Variants in ASTN1 observed in about 807,000 individuals in gnomAD.
The protein encoded by ASTN1 is astrotactin-1.
A neutral mutation model predicts 140.7 loss-of-function variants in ASTN1; 41 were observed. The observed-to-expected ratio is 0.29, with a 90% CI of 0.23 to 0.38. ASTN1 has a LOEUF of 0.38. ASTN1 is among the 10% of genes least tolerant of loss of function. The pLI, the probability that ASTN1 is intolerant of heterozygous loss-of-function variation, is 1.00. For synonymous variants in ASTN1, 640 were observed against 652.2 expected, an observed-to-expected ratio of 0.98 and a Z score of 0.29; for missense variants, 1,479 against 1,678.8, an observed-to-expected ratio of 0.88 and a Z score of 2.08.
intron 8 of ASTN1, among the ~76,000 whole-genome samples, chr1:176,989,832 C>T (rs1484577580): frequency 6.6e-6 from 1 of 152,014 alleles, no homozygotes; most frequent in Non-Finnish European, 1.5e-5. Context: ...AAACTCAATC[C>T]AGCACAGCAA....
At chr1:176,972,303 G>C (rs1203548592) in intron 8 of ASTN1, among the ~76,000 whole-genome samples, 1 of 152,116 alleles carries the variant, frequency 6.6e-6, no homozygotes, top group Non-Finnish European at 1.5e-5. Flanking sequence ...GCAGTATTCA[G>C]AGCCCACATG....
chr1:176,938,278 G>A (rs957212575), intron 14 of ASTN1, among the ~76,000 whole-genome samples: 3 of 152,168 alleles, frequency 2.0e-5, no homozygotes, highest in African/African-American at 7.2e-5. Flanking sequence ...TATTTTATTA[G>A]AGCATAAGAT....
At chr1:176,860,157 T>A (rs1209374237), downstream of ASTN1, among the ~76,000 whole-genome samples, 1 of 152,192 alleles carries the variant, frequency 6.6e-6, no homozygotes, top group Non-Finnish European at 1.5e-5. Flanking sequence ...TAAGGCCTTT[T>A]ACGACTTAGG....
chr1:176,946,168 C>A, intron 12 of ASTN1, 48 bp from the exon 13 acceptor site: 1 of 1,453,210 alleles, frequency 6.9e-7, no homozygotes, highest in Non-Finnish European at 9.2e-7. Context: ...ATCAATGACC[C>A]ATGCAGGCAA....
intron 1 of ASTN1, among the ~76,000 whole-genome samples, chr1:177,121,380 G>T (rs1681377258): frequency 6.6e-6 from 1 of 152,032 alleles, no homozygotes; most frequent in African/African-American, 2.4e-5. Flanking sequence ...GCAGGAAAAG[G>T]GCATTTCATG....
rs1164873105 is a variant in ASTN1 at position 176,957,805 on chromosome 1, G to A, written c.1760C>T (p.Ser587Phe). ...TAAGAGAACCTCCAGGCTGTCGAAG[G>A]AGGATGAAGTCATCAGCTCCTCTCT... ...EVREELMTSS[S>F]FDSLEVLLDS... is the part of the protein sequence containing the mutation. Residue 587 changes from serine to phenylalanine, a missense_variant, in exon 11 of 23, where the codon TCC becomes TTC. By Grantham distance (155) the Ser-to-Phe change is radical. This residue lies in a region of ASTN1 where 729 missense variants were observed against 860.4 expected (regional missense o/e 0.85). Transcript: ENST00000361833. 1 of 1,614,004 alleles carries A rather than the reference G, an allele frequency of 6.2e-7. No individual in the cohort carries two copies. The highest frequency in any genetic ancestry group is 1.3e-5 in the African/African-American group (1 of 75,034).
At chr1:177,072,309 T>C (rs757818543) in intron 1 of ASTN1, among the ~76,000 whole-genome samples, 4 of 152,226 alleles carry the variant, frequency 2.6e-5, no homozygotes, top group Non-Finnish European at 4.4e-5. Context: ...ACAAATCATA[T>C]GGCAATCTGA....
rs779221190 is a variant in ASTN1 at position 177,164,544 on chromosome 1, G to A, written c.133C>T (p.Leu45=). The A allele has an allele frequency of 6.2e-7, 1 of 1,613,996 alleles. No homozygotes were observed. Among genetic ancestry groups the A allele is most frequent in the Non-Finnish European group, 8.5e-7 (1 of 1,179,944 alleles). The change falls in exon 1 of 23, where the codon CTG becomes TTG. Residue 45 remains leucine, a synonymous_variant. Transcript: ENST00000361833. ...CKLKSITVSA[L]PFLRENDLSI... ...AGGTCGTTCTCGCGCAGGAAGGGCAGTGCCGACACCGTGATGCTTTTGAGC... is the reference window on the plus strand; with the variant it reads ...AGGTCGTTCTCGCGCAGGAAGGGCAATGCCGACACCGTGATGCTTTTGAGC...
intron 18 of ASTN1, among the ~76,000 whole-genome samples, chr1:176,886,030 C>T (rs1292467216): frequency 1.3e-5 from 2 of 151,502 alleles, no homozygotes; most frequent in African/African-American, 4.9e-5. Context: ...ATGCAGAGTG[C>T]TGTTTTGAAA....
At chr1:177,077,883 T>C (rs1284605188) in intron 1 of ASTN1, among the ~76,000 whole-genome samples, 2 of 152,030 alleles carry the variant, frequency 1.3e-5, no homozygotes, top group Non-Finnish European at 2.9e-5. Flanking sequence ...ATCCACAACA[T>C]GGTTTGACAC....
chr1:177,001,160 C>G (rs1674710809), intron 8 of ASTN1, among the ~76,000 whole-genome samples: 1 of 152,150 alleles, frequency 6.6e-6, no homozygotes, highest in African/African-American at 2.4e-5. Flanking sequence ...AAACACATTT[C>G]TTATTTAGCA....
chr1:176,948,637 G>A (rs1672053972), intron 12 of ASTN1, among the ~76,000 whole-genome samples: 1 of 152,132 alleles, frequency 6.6e-6, no homozygotes, highest in African/African-American at 2.4e-5. Context: ...ACTGAGGTGG[G>A]TGGGAGAGCC....
At chr1:176,904,976 GCAGAACCAT>G (rs946341263) in intron 16 of ASTN1, among the ~76,000 whole-genome samples, 2 of 152,138 alleles carry the variant, frequency 1.3e-5, no homozygotes, top group African/African-American at 4.8e-5. Context: ...TTGAGTTTGG[GCAGAACCAT>G]CAGCCCAGCA....
chr1:176,945,828 A>G (rs1671933059), intron 13 of ASTN1, 98 bp downstream of exon 13: 1 of 1,244,936 alleles, frequency 8.0e-7, no homozygotes, highest in African/African-American at 1.5e-5. Context: ...TATCATATTT[A>G]CCCTGCTCCA....
At chr1:176,922,321 G>A (rs1670762550) in intron 16 of ASTN1, among the ~76,000 whole-genome samples, 1 of 149,972 alleles carries the variant, frequency 6.7e-6, no homozygotes, top group Admixed American at 6.6e-5. Context: ...TGCAGACTTT[G>A]AATCGTAGGT....
rs200570826 is a variant in ASTN1 at position 176,945,938 on chromosome 1, T to G, written c.2237A>C (p.Lys746Thr). The G allele has an allele frequency of 8.1e-6, 13 of 1,611,110 alleles. No individual in the cohort carries two copies. Among genetic ancestry groups the G allele is most frequent in the African/African-American group, 1.3e-5 (1 of 74,920 alleles). The part of the protein sequence containing the change: ...SKEVAAGQVL[K>T]GTFRQNNFAR... ...ATATGAGGTTTACCTGAATGTTCCT[T>G]TCAGCACCTGTCCGGCAGCCACTTC... is the stretch of plus-strand genomic sequence containing the variant. The change falls in exon 13 of 23, where the codon AAA becomes ACA. Residue 746 changes from lysine to threonine, a missense_variant. By Grantham distance (78) the Lys-to-Thr change is moderately conservative. Around this residue, in one of 3 missense-constraint regions of ASTN1, gnomAD observed 746 missense variants for 800.9 expected, o/e 0.93. Transcript: ENST00000361833.
At chr1:176,960,069 TTA>T (rs1201530770) in intron 9 of ASTN1, among the ~76,000 whole-genome samples, 2 of 152,054 alleles carry the variant, frequency 1.3e-5, no homozygotes, top group Non-Finnish European at 2.9e-5. Flanking sequence ...AAACACACAG[TTA>T]CACACTTCAT....
At chr1:176,957,447 T>G (rs1258960209) in intron 11 of ASTN1, among the ~76,000 whole-genome samples, 2 of 152,198 alleles carry the variant, frequency 1.3e-5, no homozygotes, top group East Asian at 3.8e-4. Flanking sequence ...CAACTAATTT[T>G]TTCTTGAATA....
intron 1 of ASTN1, among the ~76,000 whole-genome samples, chr1:177,108,516 C>A (rs1680661745): frequency 6.6e-6 from 1 of 152,056 alleles, no homozygotes; most frequent in Non-Finnish European, 1.5e-5. Flanking sequence ...CATAGTGTAA[C>A]ATGTGTCAGA....
Sources: gnomAD v4.1 joint callset for allele counts (sites outside exome capture counted in the v4.1 genomes callset) on GRCh38, gnomAD v4.1.1 for gene constraint, gnomAD v4.1.1 regional missense constraint, MANE v1.5 for transcripts, NCBI Gene and HGNC (gene_info 2026-07-23, HGNC 2026-07-21) for gene names.